Variants in SLC25A13 observed in about 807,000 individuals in gnomAD.
The protein encoded by SLC25A13 is electrogenic aspartate/glutamate antiporter SLC25A13, mitochondrial.
Under a neutral mutation model 85.5 loss-of-function variants are expected in SLC25A13, and 70 were observed. That is an observed-to-expected ratio of 0.82 (90% confidence interval 0.68 to 1.00). The LOEUF (loss-of-function observed/expected upper bound fraction) is 1.00, where lower values mean the gene tolerates loss of function less well. SLC25A13 is among the 50% of genes least tolerant of loss of function. SLC25A13 has a pLI of 0.00. For missense variants in SLC25A13, 765 were observed against 819.8 expected, an observed-to-expected ratio of 0.93 and a Z score of 0.82; for synonymous variants, 259 against 288.7, an observed-to-expected ratio of 0.90 and a Z score of 1.04.
chr7:96,199,989 GAAC>G (rs1353457040), intron 5 of SLC25A13, among the ~76,000 whole-genome samples: 16 of 151,358 alleles, frequency 1.1e-4, no homozygotes, highest in African/African-American at 3.9e-4. Context: ...AATTTATCAG[GAAC>G]AACAACAACA....
chr7:96,278,516 C>T (rs1798544889), intron 2 of SLC25A13, among the ~76,000 whole-genome samples: 2 of 152,178 alleles, frequency 1.3e-5, no homozygotes, highest in African/African-American at 4.8e-5. Flanking sequence ...CCTCTTACCA[C>T]TTGAATGGCC....
intron 5 of SLC25A13, among the ~76,000 whole-genome samples, chr7:96,203,366 C>A (rs1048042887): frequency 2.6e-5 from 4 of 152,158 alleles, no homozygotes; most frequent in Admixed American, 2.6e-4. Context: ...TTTCTAAATA[C>A]GCATCTCAGA....
intron 2 of SLC25A13, 123 bp downstream of exon 2, chr7:96,296,775 C>A: frequency 1.0e-6 from 1 of 992,778 alleles, no homozygotes; most frequent in South Asian, 1.4e-5. Context: ...GCCACCGTGC[C>A]GGGCTGACAC....
At chr7:96,239,680 T>A (rs1796892481) in intron 3 of SLC25A13, among the ~76,000 whole-genome samples, 1 of 152,140 alleles carries the variant, frequency 6.6e-6, no homozygotes, top group South Asian at 2.1e-4. Flanking sequence ...TGAAAGCAAA[T>A]GTACAAGTCA....
intron 1 of SLC25A13, 122 bp from the exon 2 acceptor site, chr7:96,297,073 C>T (rs771935794): frequency 1.2e-6 from 1 of 868,348 alleles, no homozygotes; most frequent in Non-Finnish European, 1.9e-6. Flanking sequence ...ACTTAAATAC[C>T]ATGTTGCCCC....
chr7:96,312,387 T>C (rs896667926), intron 1 of SLC25A13, among the ~76,000 whole-genome samples: 1 of 152,234 alleles, frequency 6.6e-6, no homozygotes, highest in Non-Finnish European at 1.5e-5. Flanking sequence ...ACAAGTGTTA[T>C]ATAAACATAT....
chr7:96,131,708 C>T (rs1034142358), intron 15 of SLC25A13, 35 bp downstream of exon 15: 3 of 1,612,960 alleles, frequency 1.9e-6, no homozygotes, highest in Non-Finnish European at 2.5e-6. Context: ...CAGCAAGGGT[C>T]AGGGAAGTAA....
At chr7:96,190,372 T>C (rs1794799299) in intron 7 of SLC25A13, among the ~76,000 whole-genome samples, 2 of 151,992 alleles carry the variant, frequency 1.3e-5, no homozygotes, top group South Asian at 4.1e-4. Context: ...ATTACAGGCA[T>C]GAGCCACCGC....
Position 96,163,391 on chromosome 7 carries a change from G to A in SLC25A13, c.1311+6654C>T, listed in dbSNP as rs117871737. Among the ~76,000 whole-genome samples, 128 of 152,254 alleles carry A rather than the reference G, an allele frequency of 8.4e-4. 3 individuals carry two copies. In the East Asian group the frequency reaches 0.022, roughly 26 times the overall value. ...GTGAGCCACCTTGGATATCTATCCC[G>A]GTTGACCCTTCAGATGAGTCTGGCC... is the stretch of plus-strand genomic sequence containing the variant. On this transcript the variant is annotated intron_variant, in intron 13 of 17. Transcript: ENST00000265631.
At chr7:96,234,301 C>G (rs1456077109) in intron 4 of SLC25A13, among the ~76,000 whole-genome samples, 1 of 152,098 alleles carries the variant, frequency 6.6e-6, no homozygotes, top group East Asian at 1.9e-4. Context: ...GCAGTCAGGT[C>G]GGGGGAGCGG....
intron 14 of SLC25A13, among the ~76,000 whole-genome samples, chr7:96,142,008 A>C (rs888811292): frequency 2.0e-5 from 3 of 152,254 alleles, no homozygotes; most frequent in Non-Finnish European, 4.4e-5. Flanking sequence ...CAGTTAAACA[A>C]AAAAATTTCC....
intron 3 of SLC25A13, among the ~76,000 whole-genome samples, chr7:96,238,037 C>G (rs1562868203): frequency 6.6e-6 from 1 of 152,068 alleles, no homozygotes. Context: ...AAAATCCCAA[C>G]CCCTAGAACC....
At chr7:96,188,189 C>T (rs138359574) in intron 9 of SLC25A13, among the ~76,000 whole-genome samples, 76 of 152,282 alleles carry the variant, frequency 5.0e-4, no homozygotes, top group Non-Finnish European at 9.1e-4. Flanking sequence ...GAAGGGAGAG[C>T]AGTGTTGCTT....
intron 3 of SLC25A13, among the ~76,000 whole-genome samples, chr7:96,261,474 T>G (rs1238204552): frequency 1.3e-5 from 2 of 152,188 alleles, no homozygotes; most frequent in African/African-American, 4.8e-5. Flanking sequence ...ACTCTAAAAT[T>G]TCTGACAATT....
chr7:96,310,767 A>C (rs960674921), intron 1 of SLC25A13, among the ~76,000 whole-genome samples: 13 of 152,050 alleles, frequency 8.5e-5, no homozygotes, highest in Non-Finnish European at 1.8e-4. Context: ...TCTCCAACTC[A>C]CTTTGGCTCC....
chr7:96,308,350 T>C lies in SLC25A13; in HGVS notation c.16-11399A>G, dbSNP rs1799836159. 2.6e-5 allele frequency among the ~76,000 whole-genome samples: 4 copies of C among 152,350 alleles called. No individual in the cohort carries two copies. The South Asian group carries it at 8.3e-4, about 32-fold the overall frequency. On this transcript the variant is annotated intron_variant, in intron 1 of 17. Coordinates refer to ENST00000265631, the MANE Select transcript of SLC25A13 (RefSeq NM_014251.3). ...CCTAGCTGATTGAGGCAGCAGCAGATACCTGACCCCTGTGGGGAGGTGATC... is the reference window on the plus strand; with the variant it reads ...CCTAGCTGATTGAGGCAGCAGCAGACACCTGACCCCTGTGGGGAGGTGATC...
chr7:96,121,636 G>A lies in SLC25A13; in HGVS notation c.1841+19C>T, dbSNP rs1196348779. The A allele has an allele frequency of 3.7e-6, 6 of 1,612,982 alleles. No homozygotes were observed. Among genetic ancestry groups the A allele is most frequent in the African/African-American group, 1.3e-5 (1 of 74,884 alleles). On this transcript the variant is annotated intron_variant, in intron 17 of 17. Transcript: ENST00000265631. ...TAGCAGCAGCCAAAATTTAGCAGCA[G>A]ATTTAGCATGATACTTACACTCCTC...
chr7:96,235,517 A>G (rs1796713069), intron 3 of SLC25A13, among the ~76,000 whole-genome samples: 1 of 152,238 alleles, frequency 6.6e-6, no homozygotes, highest in Non-Finnish European at 1.5e-5. Flanking sequence ...CACAAGAACT[A>G]GTATGGTAAT....
At chr7:96,236,968 A>T (rs1487909607) in intron 3 of SLC25A13, among the ~76,000 whole-genome samples, 1 of 152,054 alleles carries the variant, frequency 6.6e-6, no homozygotes, top group Non-Finnish European at 1.5e-5. Flanking sequence ...AGGGCCAAAA[A>T]CTCACCCTCA....
Sources: gnomAD v4.1 joint callset for allele counts (sites outside exome capture counted in the v4.1 genomes callset) on GRCh38, gnomAD v4.1.1 for gene constraint, MANE v1.5 for transcripts, NCBI Gene and HGNC (gene_info 2026-07-23, HGNC 2026-07-21) for gene names.